The following CDH18 variants were observed in gnomAD, a reference collection of about 807,000 sequenced individuals.
CDH18 encodes the protein cadherin-18.
Under a neutral mutation model 67.9 loss-of-function variants are expected in CDH18, and 31 were observed. The observed-to-expected ratio is 0.46, with a 90% confidence interval of 0.34 to 0.62. The LOEUF (loss-of-function observed/expected upper bound fraction) is 0.62, where lower values mean the gene tolerates loss of function less well. Among genes scored for constraint, CDH18 ranks in the 20% least tolerant of loss-of-function variants. The pLI, the probability that CDH18 is intolerant of heterozygous loss-of-function variation, is 0.01. For synonymous variants in CDH18, 362 were observed against 347.2 expected, an observed-to-expected ratio of 1.04 and a Z score of -0.48; for missense variants, 890 against 975.5, an observed-to-expected ratio of 0.91 and a Z score of 1.17.
intron 2 of CDH18, among the ~76,000 whole-genome samples, chr5:19,967,487 G>C (rs1262867020): frequency 6.6e-6 from 1 of 152,068 alleles, no homozygotes; most frequent in Non-Finnish European, 1.5e-5. Context: ...ATATTGTACA[G>C]AGAGCAAATT....
At chr5:20,459,765 G>A (rs1323158302) in intron 1 of CDH18, among the ~76,000 whole-genome samples, 1 of 152,140 alleles carries the variant, frequency 6.6e-6, no homozygotes, top group Non-Finnish European at 1.5e-5. Flanking sequence ...ATTTCATGGT[G>A]ATTGGTGGGA....
At chr5:20,554,623 T>C (rs1393766086) in intron 1 of CDH18, among the ~76,000 whole-genome samples, 2 of 152,190 alleles carry the variant, frequency 1.3e-5, no homozygotes, top group Non-Finnish European at 2.9e-5. Flanking sequence ...AAGATAGCAA[T>C]AGTTTCTCTC....
chr5:19,804,120 CA>C (rs772336170), intron 3 of CDH18: 1,848 of 70,432 alleles, frequency 0.026, 40 homozygotes, highest in African/African-American at 0.083. Flanking sequence ...GACTTTGTCT[CA>C]AAAAAAAAAA....
intron 5 of CDH18, among the ~76,000 whole-genome samples, chr5:19,670,713 A>C (rs1026458462): frequency 1.3e-5 from 2 of 152,130 alleles, no homozygotes; most frequent in Non-Finnish European, 2.9e-5. Flanking sequence ...AGATGAATTC[A>C]GGAGACCAAG....
At chr5:20,005,548 A>T (rs543464843) in intron 2 of CDH18, among the ~76,000 whole-genome samples, 1 of 151,490 alleles carries the variant, frequency 6.6e-6, no homozygotes, top group Non-Finnish European at 1.5e-5. Context: ...AACAATTTCT[A>T]TATATATATA....
At chr5:20,022,817 T>C (rs1030504962) in intron 2 of CDH18, among the ~76,000 whole-genome samples, 1 of 152,198 alleles carries the variant, frequency 6.6e-6, no homozygotes, top group African/African-American at 2.4e-5. Flanking sequence ...GGAAAAATAT[T>C]ATGAATATGT....
chr5:19,721,456 A>C lies in CDH18; in HGVS notation c.534T>G (p.Val178=), dbSNP rs1251134704. Residue 178 remains valine, a synonymous_variant, in exon 5 of 13, where the codon GTT becomes GTG. Coordinates refer to ENST00000382275, the MANE Select transcript of CDH18 (RefSeq NM_004934.5). ...CTGCATCAGTAGCTGTCACCTGTAG[A>C]ACAGAGGTACCTGTGCATTCAGGAA... The part of the protein sequence containing the change: ...VPEMSDMGTS[V]LQVTATDADD... 5 of 1,610,650 alleles carry C rather than the reference A, an allele frequency of 3.1e-6. No individual in the cohort carries two copies. In the East Asian group the frequency reaches 1.1e-4, roughly 36 times the overall value.
At chr5:19,829,502 T>C (rs370238981) in intron 3 of CDH18, among the ~76,000 whole-genome samples, 1 of 152,246 alleles carries the variant, frequency 6.6e-6, no homozygotes, top group East Asian at 1.9e-4. Context: ...ATATACCTAA[T>C]CAGGGAGGTG....
chr5:19,564,085 G>C (rs1476009186), intron 8 of CDH18, among the ~76,000 whole-genome samples: 1 of 152,174 alleles, frequency 6.6e-6, no homozygotes, highest in Non-Finnish European at 1.5e-5. Flanking sequence ...CTGAGTTCTG[G>C]CTAGCCCCAC....
chr5:19,848,492 A>G lies in CDH18; in HGVS notation c.-256-9250T>C, dbSNP rs150952904. Among the ~76,000 whole-genome samples the G allele has an allele frequency of 4.7e-3, 718 of 152,238 alleles. 2 individuals are homozygous for G. Among genetic ancestry groups the G allele is most frequent in the African/African-American group, 0.017 (696 of 41,556 alleles). Reference sequence around the variant, plus strand: ...TATCTGAAAGAGAATTGGTCCATGTATTGTTGAAATAATGTCTCCATGGGA... The same window carrying G: ...TATCTGAAAGAGAATTGGTCCATGTGTTGTTGAAATAATGTCTCCATGGGA... On this transcript the variant is annotated intron_variant, in intron 2 of 12. Transcript: ENST00000382275.
At chr5:20,390,434 TG>T (rs906006624) in intron 1 of CDH18, among the ~76,000 whole-genome samples, 1 of 152,006 alleles carries the variant, frequency 6.6e-6, no homozygotes, top group Non-Finnish European at 1.5e-5. Flanking sequence ...AAAAACACAA[TG>T]AGACACCATC....
intron 1 of CDH18, among the ~76,000 whole-genome samples, chr5:20,424,579 T>C (rs957832485): frequency 2.0e-5 from 3 of 149,358 alleles, no homozygotes; most frequent in Middle Eastern, 3.2e-3. Flanking sequence ...CAGCAAAACC[T>C]GTCTCTACTA....
intron 1 of CDH18, among the ~76,000 whole-genome samples, chr5:20,559,981 ACCT>A (rs1339475257): frequency 6.6e-6 from 1 of 151,988 alleles, no homozygotes; most frequent in African/African-American, 2.4e-5. Context: ...TTGATTCATC[ACCT>A]CTTTCACTCA....
chr5:20,411,120 GA>G (rs796596980), intron 1 of CDH18, among the ~76,000 whole-genome samples: 47 of 151,706 alleles, frequency 3.1e-4, no homozygotes, highest in African/African-American at 1.0e-3. Flanking sequence ...AATTCATATG[GA>G]AACACAAAGG....
At chr5:19,960,171 C>T (rs1008534892) in intron 2 of CDH18, among the ~76,000 whole-genome samples, 4 of 151,988 alleles carry the variant, frequency 2.6e-5, no homozygotes, top group Non-Finnish European at 5.9e-5. Context: ...TTTTGGCTTA[C>T]TGTAAGTTTT....
intron 4 of CDH18, among the ~76,000 whole-genome samples, chr5:19,735,038 T>C (rs1260615775): frequency 6.6e-6 from 1 of 152,134 alleles, no homozygotes; most frequent in Non-Finnish European, 1.5e-5. Flanking sequence ...TGCTGCTGAG[T>C]CACTACCCTC....
intron 2 of CDH18, among the ~76,000 whole-genome samples, chr5:19,917,847 A>G (rs1178159782): frequency 6.6e-6 from 1 of 152,160 alleles, no homozygotes; most frequent in African/African-American, 2.4e-5. Flanking sequence ...TTCCATTTTT[A>G]TTATTTAGCT....
intron 2 of CDH18, among the ~76,000 whole-genome samples, chr5:19,995,148 G>A (rs1327907053): frequency 6.6e-6 from 1 of 151,778 alleles, no homozygotes; most frequent in Non-Finnish European, 1.5e-5. Flanking sequence ...GTCTACCATG[G>A]TTAATGCTAA....
At chr5:20,438,888 C>T (rs190001562) in intron 1 of CDH18, among the ~76,000 whole-genome samples, 1 of 151,468 alleles carries the variant, frequency 6.6e-6, no homozygotes, top group East Asian at 1.9e-4. Flanking sequence ...TGTAGAAACA[C>T]TGAAAAATGA....
Sources: allele counts gnomAD v4.1 joint callset (sites outside exome capture counted in the v4.1 genomes callset), GRCh38; gene constraint gnomAD v4.1.1; transcripts MANE v1.5; gene names NCBI Gene and HGNC (gene_info 2026-07-23, HGNC 2026-07-21).